Variants in THSD7B observed in about 807,000 individuals in gnomAD.
THSD7B encodes thrombospondin type 1 domain containing 7B.
A neutral mutation model predicts 213.6 loss-of-function variants in THSD7B; 138 were observed. That is an observed-to-expected ratio of 0.65 (90% CI 0.56 to 0.74). The LOEUF (loss-of-function observed/expected upper bound fraction) is 0.74, where lower values mean the gene tolerates loss of function less well. Ranked by LOEUF, THSD7B falls within the 30% of genes least tolerant of loss-of-function variation. THSD7B has a pLI of 0.00. For missense variants in THSD7B, 1,931 were observed against 1,991.5 expected, an observed-to-expected ratio of 0.97 and a Z score of 0.58; for synonymous variants, 742 against 687.0, an observed-to-expected ratio of 1.08 and a Z score of -1.25.
chr2:136,955,479 ACT>A (rs1291825283), intron 2 of THSD7B, among the ~76,000 whole-genome samples: 1 of 152,148 alleles, frequency 6.6e-6, no homozygotes, highest in African/African-American at 2.4e-5. Context: ...TAAAAAAGAA[ACT>A]CTGAGAGTAA....
At chr2:137,218,532 T>C (rs1359901746) in intron 7 of THSD7B, among the ~76,000 whole-genome samples, 9 of 96,514 alleles carry the variant, frequency 9.3e-5, no homozygotes, top group Non-Finnish European at 2.0e-4. Context: ...ATAGACAAAG[T>C]ACGGTTTGTT....
At chr2:137,388,074 C>T (rs1685936067) in intron 12 of THSD7B, among the ~76,000 whole-genome samples, 1 of 152,116 alleles carries the variant, frequency 6.6e-6, no homozygotes, top group Non-Finnish European at 1.5e-5. Context: ...TTTTAGGGCT[C>T]AAGAGGCTTT....
chr2:136,773,644 C>T (rs1681549078), intron 1 of THSD7B, among the ~76,000 whole-genome samples: 1 of 151,502 alleles, frequency 6.6e-6, no homozygotes, highest in Admixed American at 6.6e-5. Flanking sequence ...TTAGTTTAGC[C>T]ATGTTTCAAG....
At chr2:137,271,438 AATATAAT>A (rs1445337133) in intron 10 of THSD7B, among the ~76,000 whole-genome samples, 2 of 134,782 alleles carry the variant, frequency 1.5e-5, no homozygotes, top group Admixed American at 7.5e-5. Context: ...TAATATATAT[AATATAAT>A]ATATAATATA....
chr2:137,418,618 G>T (rs1686850724), intron 14 of THSD7B, among the ~76,000 whole-genome samples: 1 of 152,088 alleles, frequency 6.6e-6, no homozygotes, highest in South Asian at 2.1e-4. Flanking sequence ...TCACTCTACT[G>T]ATCTATTGAA....
chr2:137,010,520 A>C (rs752558431), intron 2 of THSD7B, among the ~76,000 whole-genome samples: 2 of 152,172 alleles, frequency 1.3e-5, no homozygotes, highest in Non-Finnish European at 2.9e-5. Context: ...ACTTGGTTGT[A>C]GTTATCGTTT....
Position 136,768,011 on chromosome 2 carries a change from T to TA in THSD7B, c.-36+2327dup, listed in dbSNP as rs774043915. On this transcript the variant is annotated intron_variant, in intron 1 of 27. Transcript: ENST00000409968. ...AGGTAGAAAATAATTACCGATCATA[T>TA]AAACAATGTAAATACAGACTCTACT... 5.3e-5 allele frequency among the ~76,000 whole-genome samples: 8 copies of TA among 152,206 alleles called. No individual in the cohort carries two copies. In the East Asian group the frequency reaches 1.5e-3, roughly 29 times the overall value.
chr2:136,795,315 A>T (rs956340494), intron 1 of THSD7B, among the ~76,000 whole-genome samples: 2 of 151,860 alleles, frequency 1.3e-5, no homozygotes, highest in Non-Finnish European at 2.9e-5. Flanking sequence ...CTTCCATCTT[A>T]AAAGGGGCTG....
At chr2:137,573,427 C>T (rs1573717860) in intron 17 of THSD7B, among the ~76,000 whole-genome samples, 1 of 152,038 alleles carries the variant, frequency 6.6e-6, no homozygotes, top group East Asian at 1.9e-4. Context: ...TTATTGATTC[C>T]TTATTAAATA....
intron 2 of THSD7B, among the ~76,000 whole-genome samples, chr2:136,998,951 CACACACA>C (rs747842075): frequency 1.4e-5 from 2 of 146,658 alleles, no homozygotes; most frequent in Admixed American, 6.8e-5. Context: ...CACACACACA[CACACACA>C]CCCCTGCTTT....
At chr2:137,595,885 TTAAA>T in intron 17 of THSD7B, among the ~76,000 whole-genome samples, 1 of 152,020 alleles carries the variant, frequency 6.6e-6, no homozygotes, top group South Asian at 2.1e-4. Flanking sequence ...ATTCAAATCA[TTAAA>T]TAGTATATTT....
intron 18 of THSD7B, among the ~76,000 whole-genome samples, chr2:137,618,119 T>C (rs1290706902): frequency 6.6e-6 from 1 of 152,222 alleles, no homozygotes; most frequent in Non-Finnish European, 1.5e-5. Context: ...TTTCCTCTTC[T>C]ACTCCAGCCA....
At chr2:136,896,909 C>G (rs1216663457) in intron 2 of THSD7B, among the ~76,000 whole-genome samples, 1 of 151,760 alleles carries the variant, frequency 6.6e-6, no homozygotes, top group Non-Finnish European at 1.5e-5. Context: ...ATAGTCTATA[C>G]ATAATCCTTA....
chr2:137,194,464 A>G (rs1220403416), intron 7 of THSD7B, among the ~76,000 whole-genome samples: 1 of 152,240 alleles, frequency 6.6e-6, no homozygotes, highest in Non-Finnish European at 1.5e-5. Flanking sequence ...AGCTCCAGGA[A>G]GAGAAAGAAG....
chr2:137,570,303 A>AATT (rs766131565), intron 16 of THSD7B, among the ~76,000 whole-genome samples: 39 of 150,180 alleles, frequency 2.6e-4, no homozygotes, highest in South Asian at 4.2e-4. Flanking sequence ...TATTATTATT[A>AATT]ATTATTATTA....
intron 2 of THSD7B, among the ~76,000 whole-genome samples, chr2:136,927,055 TG>T (rs1684545576): frequency 6.6e-6 from 1 of 152,228 alleles, no homozygotes; most frequent in Admixed American, 6.5e-5. Context: ...ATGATTTTTT[TG>T]TACACCAAAA....
chr2:137,212,173 C>A (rs1201705233), intron 7 of THSD7B, among the ~76,000 whole-genome samples: 1 of 151,952 alleles, frequency 6.6e-6, no homozygotes, highest in African/African-American at 2.4e-5. Flanking sequence ...CTTTTGAATT[C>A]ACTACCTTTG....
At chr2:136,949,495 G>T (rs887837583) in intron 2 of THSD7B, among the ~76,000 whole-genome samples, 9 of 152,210 alleles carry the variant, frequency 5.9e-5, no homozygotes, top group Non-Finnish European at 1.0e-4. Flanking sequence ...TATTCTAGCT[G>T]GTTCTGACTG....
intron 12 of THSD7B, among the ~76,000 whole-genome samples, chr2:137,334,513 A>C (rs1370264287): frequency 1.3e-5 from 2 of 152,038 alleles, no homozygotes; most frequent in African/African-American, 2.4e-5. Context: ...CTTCAGCTCA[A>C]TATTAACTCC....
Sources: gnomAD v4.1 joint callset for allele counts (sites outside exome capture counted in the v4.1 genomes callset) on GRCh38, gnomAD v4.1.1 for gene constraint, MANE v1.5 for transcripts, NCBI Gene and HGNC (gene_info 2026-07-23, HGNC 2026-07-21) for gene names.